The following ABCA4 variants were observed in gnomAD, a reference collection of about 807,000 sequenced individuals.
ABCA4 encodes ATP binding cassette subfamily A member 4.
Under a neutral mutation model 263.7 loss-of-function variants are expected in ABCA4, and 196 were observed. That is an observed-to-expected ratio of 0.74 (90% CI 0.66 to 0.84). The LOEUF (loss-of-function observed/expected upper bound fraction) is 0.84, where lower values mean the gene tolerates loss of function less well. Among genes scored for constraint, ABCA4 ranks in the 40% least tolerant of loss-of-function variants. The pLI is 0.00. For missense variants in ABCA4, 2,792 were observed against 2,855.1 expected (o/e 0.98, Z 0.50); for synonymous variants, 1,133 against 1,094.2 (o/e 1.04, Z -0.70).
At chr1:94,002,265 G>A (rs571974941) in intron 44 of ABCA4, among the ~76,000 whole-genome samples, 2 of 152,338 alleles carry the variant, frequency 1.3e-5, no homozygotes, top group East Asian at 1.9e-4. Context: ...CTTACAAAGA[G>A]CAAGACAGTG....
chr1:94,086,462 G>A (rs1661830026), intron 6 of ABCA4, among the ~76,000 whole-genome samples: 1 of 152,000 alleles, frequency 6.6e-6, no homozygotes, highest in African/African-American at 2.4e-5. Flanking sequence ...ATGACTTCCT[G>A]AAAATTCATA....
intron 36 of ABCA4, among the ~76,000 whole-genome samples, chr1:94,017,833 A>G (rs1557766962): frequency 6.6e-6 from 1 of 152,264 alleles, no homozygotes; most frequent in Non-Finnish European, 1.5e-5. Flanking sequence ...TGACTTTTCC[A>G]TAAGTCTGTA....
At chr1:94,053,474 A>G (rs1660892187) in intron 16 of ABCA4, among the ~76,000 whole-genome samples, 1 of 152,244 alleles carries the variant, frequency 6.6e-6, no homozygotes, top group Admixed American at 6.5e-5. Flanking sequence ...AACCCCAGGT[A>G]CCTCATAATG....
At position 94,002,801 on chromosome 1, in the gene ABCA4, G is replaced by A. The variant is rs74102061; in HGVS notation, c.6148-809C>T. On this transcript the variant is annotated intron_variant, in intron 44 of 49. Transcript: ENST00000370225. ...CCCTGCCCCAGCAGTTCCTCCCTGC[G>A]TTACTTTTCCCTGAGGACTTTTCAC... is the stretch of plus-strand genomic sequence containing the variant. 0.13 allele frequency among the ~76,000 whole-genome samples: 19,412 copies of A among 151,978 alleles called. 2,061 individuals carry two copies. The highest frequency in any genetic ancestry group is 0.29 in the African/African-American group (12,108 of 41,354).
At chr1:94,015,611 G>C in intron 37 of ABCA4, 128 bp downstream of exon 37, 1 of 763,186 alleles carries the variant, frequency 1.3e-6, no homozygotes, top group Non-Finnish European at 2.3e-6. Flanking sequence ...ACCCTACCTG[G>C]GGCCGGAAGC....
chr1:94,004,777 T>C (rs1247376045), intron 44 of ABCA4, among the ~76,000 whole-genome samples: 1 of 152,244 alleles, frequency 6.6e-6, no homozygotes, highest in African/African-American at 2.4e-5. Context: ...TTTTTCTTTC[T>C]TCCCATTTTC....
intron 5 of ABCA4, among the ~76,000 whole-genome samples, chr1:94,101,427 C>G (rs1228791182): frequency 6.6e-6 from 1 of 152,232 alleles, no homozygotes; most frequent in African/African-American, 2.4e-5. Context: ...ACCCTGCCTC[C>G]AGGCTGACCC....
intron 1 of ABCA4, among the ~76,000 whole-genome samples, chr1:94,116,794 C>A (rs1029139941): frequency 1.3e-5 from 2 of 152,162 alleles, no homozygotes; most frequent in East Asian, 3.9e-4. Context: ...GTTTTCTCAG[C>A]AGCTCAGACT....
rs755078118 is a variant in ABCA4 at position 94,080,667 on chromosome 1, T to A, written c.910A>T (p.Met304Leu). ...QDLLWVTRPL[M>L]QNGGPETFTK... ...AAGGTCTCTGGACCACCATTCTGCATGAGGGGCCTGGTCACCCACAGCAAG... is the reference window on the plus strand; with the variant it reads ...AAGGTCTCTGGACCACCATTCTGCAAGAGGGGCCTGGTCACCCACAGCAAG... The change falls in exon 8 of 50, where the codon ATG (methionine) becomes TTG (leucine). Residue 304 changes from methionine to leucine, a missense_variant. Transcript: ENST00000370225. 1.2e-6 allele frequency: 2 copies of A among 1,614,134 alleles called. No individual in the cohort carries two copies. The highest frequency in any genetic ancestry group is 1.7e-6 in the Non-Finnish European group (2 of 1,180,002).
intron 3 of ABCA4, among the ~76,000 whole-genome samples, 182 bp downstream of exon 3, chr1:94,111,256 A>G (rs940977950): frequency 6.6e-6 from 1 of 152,254 alleles, no homozygotes; most frequent in African/African-American, 2.4e-5. Context: ...TTTCTCCCCA[A>G]GTGCCCTGAC....
At chr1:94,043,221 A>C in intron 21 of ABCA4, 115 bp downstream of exon 21, 1 of 1,457,002 alleles carries the variant, frequency 6.9e-7, no homozygotes, top group Non-Finnish European at 9.4e-7. Context: ...GTAACTTCAC[A>C]GAGGTGTTCC....
intron 47 of ABCA4, among the ~76,000 whole-genome samples, chr1:94,000,175 AAATG>A (rs1428154926): frequency 2.6e-5 from 4 of 152,234 alleles, no homozygotes; most frequent in Non-Finnish European, 2.9e-5. Context: ...TTTGTTAAAT[AAATG>A]AGTAATTGTA....
At position 93,997,999 on chromosome 1, in the gene ABCA4, C is replaced by T. The variant is rs1659057092; in HGVS notation, c.6591G>A (p.Val2197=). The T allele has an allele frequency of 6.2e-7, 1 of 1,614,192 alleles. No homozygotes were observed. Among genetic ancestry groups the T allele is most frequent in the Admixed American group, 1.7e-5 (1 of 60,030 alleles). The change falls in exon 48 of 50, where the codon GTG becomes GTA. Residue 2197 remains valine, a synonymous_variant. Transcript: ENST00000370225. ...QFFQGNFPGS[V]QRERHYNMLQ... is the part of the protein sequence containing the mutation. ...GCATGTTGTAGTGCCTCTCCCTCTG[C>T]ACACTGCCTGGGAAGTTCCCCTGGA... is the stretch of plus-strand genomic sequence containing the variant.
intron 5 of ABCA4, among the ~76,000 whole-genome samples, chr1:94,100,401 A>C (rs1481798029): frequency 2.6e-5 from 4 of 152,204 alleles, no homozygotes; most frequent in African/African-American, 9.7e-5. Context: ...CCATTTTACA[A>C]ATGAGGAAAC....
In ABCA4 at chr1:94,021,241, C is replaced by T. The variant is rs756194251; in HGVS notation, c.5017G>A (p.Val1673Met). The change falls in exon 35 of 50, where the codon GTG becomes ATG. Residue 1673 changes from valine to methionine, a missense_variant and splice_region_variant. By Grantham distance (21) the Val-to-Met change is conservative (BLOSUM62 1). Transcript: ENST00000370225. Reference protein sequence around the residue: ...LTKEQLSEITVLTTSVDAVVA... With the variant: ...LTKEQLSEITMLTTSVDAVVA... ...GAGGCTGGGGCTGTGGTGGCTTACA[C>T]TGTAATCTCTGAGAGCTGCTCCTTG... is the stretch of plus-strand genomic sequence containing the variant. 6.2e-7 allele frequency: 1 copy of T among 1,614,178 alleles called. No homozygotes were observed. The highest frequency in any genetic ancestry group is 8.5e-7 in the Non-Finnish European group (1 of 1,180,022).
intron 24 of ABCA4, among the ~76,000 whole-genome samples, chr1:94,038,366 C>G (rs1437400675): frequency 6.6e-6 from 1 of 152,188 alleles, no homozygotes; most frequent in Non-Finnish European, 1.5e-5. Context: ...TCTTGAGAGG[C>G]AGGTCAAAGG....
At position 94,032,006 on chromosome 1, in the gene ABCA4, T is replaced by C. The variant is rs886044739; in HGVS notation, c.3900A>G (p.Arg1300=). 3.1e-6 allele frequency: 5 copies of C among 1,613,494 alleles called. No homozygotes were observed. The highest frequency in any genetic ancestry group is 1.6e-4 in the Middle Eastern group (1 of 6,084). ...TCTCTCTGGGACCCAAGCAGGGGTGTCGGGGGTTGACGTTTTCTCTTTTCT... is the reference window on the plus strand; with the variant it reads ...TCTCTCTGGGACCCAAGCAGGGGTGCCGGGGGTTGACGTTTTCTCTTTTCT... ...AQQKRENVNP[R]HPCLGPREKA... The change falls in exon 27 of 50, where the codon CGA becomes CGG. Residue 1300 remains arginine, a synonymous_variant. Coordinates refer to ENST00000370225, the MANE Select transcript of ABCA4 (RefSeq NM_000350.3).
At chr1:94,071,414 T>C (rs1661395619) in intron 11 of ABCA4, among the ~76,000 whole-genome samples, 1 of 152,218 alleles carries the variant, frequency 6.6e-6, no homozygotes, top group Non-Finnish European at 1.5e-5. Context: ...ATTCATTATA[T>C]AATTTATCCA....
chr1:94,065,211 C>T (rs916634318), intron 11 of ABCA4, among the ~76,000 whole-genome samples: 8 of 152,064 alleles, frequency 5.3e-5, no homozygotes, highest in African/African-American at 1.2e-4. Flanking sequence ...CACAGCCTGG[C>T]GCTCAGGGCC....
Sources: gnomAD v4.1 joint callset for allele counts (sites outside exome capture counted in the v4.1 genomes callset) on GRCh38, gnomAD v4.1.1 for gene constraint, MANE v1.5 for transcripts, NCBI Gene and HGNC (gene_info 2026-07-23, HGNC 2026-07-21) for gene names.